The following PROX1 variants were observed in gnomAD, a reference collection of about 807,000 sequenced individuals.
The protein encoded by PROX1 is prospero homeobox protein 1.
Under a neutral mutation model 58.8 loss-of-function variants are expected in PROX1, and 7 were observed. That is an observed-to-expected ratio of 0.12 (90% CI 0.07 to 0.22). PROX1 has a LOEUF of 0.22. PROX1 is among the 10% of genes least tolerant of loss of function. The pLI, the probability that PROX1 is intolerant of heterozygous loss-of-function variation, is 1.00. For synonymous variants in PROX1, 350 were observed against 358.3 expected, an observed-to-expected ratio of 0.98 and a Z score of 0.26; for missense variants, 675 against 927.8, an observed-to-expected ratio of 0.73 and a Z score of 3.54.
intron 4 of PROX1, among the ~76,000 whole-genome samples, chr1:214,018,968 G>A (rs1664190496): frequency 6.6e-6 from 1 of 152,186 alleles, no homozygotes; most frequent in African/African-American, 2.4e-5. Context: ...CACTAGTGTA[G>A]CCAAGTTCTT....
chr1:214,022,506 C>T (rs1205201400), intron 4 of PROX1, among the ~76,000 whole-genome samples: 3 of 152,158 alleles, frequency 2.0e-5, no homozygotes, highest in Admixed American at 6.5e-5. Flanking sequence ...ATATATTCAA[C>T]GTAAAACTGG....
At chr1:214,006,236 G>T (rs1215299407) in intron 3 of PROX1, among the ~76,000 whole-genome samples, 1 of 147,272 alleles carries the variant, frequency 6.8e-6, no homozygotes, top group East Asian at 2.0e-4. Context: ...AAACACACTC[G>T]CTCTTCCACT....
chr1:214,023,884 G>C (rs1048624229), intron 4 of PROX1, among the ~76,000 whole-genome samples: 2 of 152,226 alleles, frequency 1.3e-5, no homozygotes, highest in Non-Finnish European at 2.9e-5. Context: ...GGGATGGTTT[G>C]AGTAGAGGTG....
chr1:213,995,646 G>A (rs1402346055), intron 1 of PROX1, among the ~76,000 whole-genome samples: 1 of 152,094 alleles, frequency 6.6e-6, no homozygotes, highest in Non-Finnish European at 1.5e-5. Flanking sequence ...TTTCTAAAAT[G>A]TGGTAACATC....
Position 213,997,918 on chromosome 1 carries a change from C to G in PROX1, c.1383C>G (p.His461Gln), listed in dbSNP as rs1477034018. 1 of 1,613,104 alleles carries G rather than the reference C, an allele frequency of 6.2e-7. No individual in the cohort carries two copies. Among genetic ancestry groups the G allele is most frequent in the East Asian group, 2.2e-5 (1 of 44,884 alleles). ...CCGGCCCTGCCGCTGGCGGCCACCA[C>G]CAGCCCCTGCACCAGTCGCCTCTCT... ...SASGPAAGGH[H>Q]QPLHQSPLSA... The change falls in exon 2 of 5, where the codon CAC becomes CAG. Residue 461 changes from histidine (H) to glutamine (Q), a missense_variant. This residue lies in a region of PROX1 where 403 missense variants were observed against 477.4 expected (regional missense o/e 0.84). Transcript: ENST00000366958. This position sits in a 1 kb window ranked among gnomAD's most constrained non-coding sequence, Gnocchi z 7.1.
chr1:214,025,590 G>GT (rs1385333178), intron 4 of PROX1, among the ~76,000 whole-genome samples: 4 of 151,452 alleles, frequency 2.6e-5, no homozygotes, highest in African/African-American at 7.3e-5. Flanking sequence ...CCGGCTGAAG[G>GT]TTTTTTCTCT....
rs768629446 is a variant in PROX1 at position 213,998,229 on chromosome 1, T to C, written c.1694T>C (p.Met565Thr). The change falls in exon 2 of 5, where the codon ATG becomes ACG. Residue 565 changes from methionine to threonine, a missense_variant. Met to Thr is a moderately conservative substitution (Grantham distance 81, BLOSUM62 -1). Coordinates refer to ENST00000366958, the MANE Select transcript of PROX1 (RefSeq NM_001270616.2). ...TCCGAGTGCGGCGATCTTCAAGATA[T>C]GTCTGAAATATCACCTTATTCGGGA... Reference protein sequence around the residue: ...IKSECGDLQDMSEISPYSGSA... With the variant: ...IKSECGDLQDTSEISPYSGSA... The C allele has an allele frequency of 4.4e-6, 7 of 1,586,844 alleles. No homozygotes were observed. Among genetic ancestry groups the C allele is most frequent in the Non-Finnish European group, 6.0e-6 (7 of 1,166,452 alleles).
At position 214,039,508 on chromosome 1, in the gene PROX1, C is replaced by T. The variant is rs993427584; in HGVS notation, c.*3674C>T. The T allele has an allele frequency of 6.6e-6, 1 of 152,032 alleles. No individual in the cohort carries two copies. Among genetic ancestry groups the T allele is most frequent in the African/African-American group, 2.4e-5 (1 of 41,390 alleles). 9.4% of individuals were successfully genotyped at this position (152,032 alleles called of 1,614,324 possible). A position where few individuals can be genotyped will look rare whatever the true frequency, so the allele number is the denominator to read the frequency against. ...AAGCAAGAGGGGAACTTTTATAAAG[C>T]AATGTAAATATTTAACCTCATGGCT... On this transcript the variant is annotated 3_prime_UTR_variant, in exon 5 of 5. Transcript: ENST00000366958.
At chr1:214,009,712 T>A (rs1663841732) in intron 3 of PROX1, among the ~76,000 whole-genome samples, 1 of 152,132 alleles carries the variant, frequency 6.6e-6, no homozygotes, top group East Asian at 1.9e-4. Flanking sequence ...CCCCATTAGG[T>A]CATTCGTGAC....
chr1:214,017,165 G>GA (rs76571091), intron 4 of PROX1, among the ~76,000 whole-genome samples: 124 of 144,378 alleles, frequency 8.6e-4, no homozygotes, highest in African/African-American at 8.8e-4. Context: ...GGAGCCTTTA[G>GA]AAAAAAAAAA....
chr1:214,016,928 A>C (rs1664117462), intron 4 of PROX1, among the ~76,000 whole-genome samples: 4 of 152,196 alleles, frequency 2.6e-5, no homozygotes, highest in Non-Finnish European at 4.4e-5. Flanking sequence ...ATTGGGTTAC[A>C]TTCAAGCACA....
At chr1:214,024,607 C>T (rs1367436490) in intron 4 of PROX1, among the ~76,000 whole-genome samples, 1 of 152,176 alleles carries the variant, frequency 6.6e-6, no homozygotes, top group Non-Finnish European at 1.5e-5. Flanking sequence ...CTAACAGCTT[C>T]TCCCTAGGCT....
chr1:214,035,827 A>G lies in PROX1; in HGVS notation c.2207A>G (p.His736Arg), dbSNP rs767431253. The G allele has an allele frequency of 1.9e-6, 3 of 1,607,656 alleles. No individual in the cohort carries two copies. The highest frequency in any genetic ancestry group is 2.2e-5 in the South Asian group (2 of 89,758). Residue 736 changes from histidine (H) to arginine (R), a missense_variant, in exon 5 of 5, where the codon CAT (histidine) becomes CGT (arginine). Coordinates refer to ENST00000366958, the MANE Select transcript of PROX1 (RefSeq NM_001270616.2). ...KSPNCLQELL[H>R]E Reference sequence around the variant, plus strand: ...CCGAACTGCCTACAAGAGCTGCTTCATGAGTAGAAATTTCAACAACTCTTT... The same window carrying G: ...CCGAACTGCCTACAAGAGCTGCTTCGTGAGTAGAAATTTCAACAACTCTTT...
At chr1:213,998,914 G>A (rs1663389831) in intron 2 of PROX1, among the ~76,000 whole-genome samples, 1 of 152,040 alleles carries the variant, frequency 6.6e-6, no homozygotes, top group African/African-American at 2.4e-5. Flanking sequence ...GATTTATTCA[G>A]ACAGCATCGG....
intron 4 of PROX1, among the ~76,000 whole-genome samples, chr1:214,031,178 G>C (rs1258986451): frequency 6.6e-6 from 1 of 152,124 alleles, no homozygotes; most frequent in Non-Finnish European, 1.5e-5. Flanking sequence ...GAAGGCTCTT[G>C]TTTGCTCTGA....
intron 4 of PROX1, among the ~76,000 whole-genome samples, chr1:214,017,227 T>C (rs1197071369): frequency 6.6e-6 from 1 of 152,090 alleles, no homozygotes; most frequent in East Asian, 1.9e-4. Flanking sequence ...CAGAAAATAG[T>C]TCAAGGCTCT....
chr1:214,001,877 A>C (rs3767845), intron 2 of PROX1, among the ~76,000 whole-genome samples: 1 of 151,140 alleles, frequency 6.6e-6, no homozygotes, highest in East Asian at 1.9e-4. Context: ...AAAAAAAAAA[A>C]TCCCTACACT....
intron 4 of PROX1, among the ~76,000 whole-genome samples, chr1:214,020,165 G>C (rs1402904190): frequency 6.6e-6 from 1 of 152,102 alleles, no homozygotes; most frequent in East Asian, 1.9e-4. Flanking sequence ...GAATGAGTTT[G>C]GCATTATTAG....
intron 2 of PROX1, among the ~76,000 whole-genome samples, chr1:214,002,602 C>T (rs1663564156): frequency 6.6e-6 from 1 of 151,974 alleles, no homozygotes; most frequent in African/African-American, 2.4e-5. Context: ...CTCCCCTTTA[C>T]CTCCTTAATA....
Sources: allele counts gnomAD v4.1 joint callset (sites outside exome capture counted in the v4.1 genomes callset), GRCh38; gene constraint gnomAD v4.1.1; regional missense constraint gnomAD v4.1.1; non-coding constraint Gnocchi (gnomAD v3.1); transcripts MANE v1.5; gene names NCBI Gene and HGNC (gene_info 2026-07-23, HGNC 2026-07-21).